C7orf25: variants seen among roughly 807,000 people sequenced by gnomAD.
C7orf25 encodes the protein UPF0415 protein C7orf25.
In C7orf25, 14 loss-of-function variants were observed where a neutral mutation model predicts 25.5. The ratio of observed to expected loss-of-function variants is 0.55; its 90% CI spans 0.36 to 0.86. C7orf25 has a LOEUF of 0.86. Ranked by LOEUF, C7orf25 falls within the 40% of genes least tolerant of loss-of-function variation. C7orf25 has a pLI of 0.01. For synonymous variants in C7orf25, 184 were observed against 179.9 expected (o/e 1.02, Z -0.18); for missense variants, 405 against 493.9 (o/e 0.82, Z 1.71).
chr7:42,911,348 T>G, intron 1 of C7orf25: 3 of 1,162,146 alleles, frequency 2.6e-6, no homozygotes, highest in Non-Finnish European at 1.1e-6. Flanking sequence ...TAGCAAACTG[T>G]CCAAAGCAAG....
chr7:42,910,770 G>A lies in C7orf25; in HGVS notation c.131C>T (p.Ala44Val). 6.2e-7 allele frequency: 1 copy of A among 1,614,156 alleles called. No individual in the cohort carries two copies. Among genetic ancestry groups the A allele is most frequent in the Non-Finnish European group, 8.5e-7 (1 of 1,180,022 alleles). Residue 44 changes from alanine to valine, a missense_variant, in exon 2 of 2, where the codon GCA becomes GTA. Physicochemically the swap from Ala to Val is moderately conservative, Grantham distance 64 (BLOSUM62 0). Coordinates refer to ENST00000350427, the MANE Select transcript of C7orf25 (RefSeq NM_001099858.2). ...TACTTTCTGCAAGAATTTTAATTCT[G>A]CCTTCAATTTGCTGCACAGCTTTGC... ...GGAKLCSKLK[A>V]ELKFLQKVEA...
In C7orf25 at chr7:42,909,653, T is replaced by C. The variant is rs923796177; in HGVS notation, c.1248A>G (p.Thr416=). Reference sequence around the variant, plus strand: ...GGTATCTTTAGTGTTCACTGTCAGTTGTGTAGTCTTTTGGTAAGGGGGTGG... The same window carrying C: ...GGTATCTTTAGTGTTCACTGTCAGTCGTGTAGTCTTTTGGTAAGGGGGTGG... The part of the protein sequence containing the change: ...ALATPLPKDY[T]TDSEH The change falls in exon 2 of 2, where the codon ACA becomes ACG. Residue 416 remains threonine, a synonymous_variant. Coordinates refer to ENST00000350427, the MANE Select transcript of C7orf25 (RefSeq NM_001099858.2). The C allele has an allele frequency of 3.1e-6, 5 of 1,612,530 alleles. No individual in the cohort carries two copies. Among genetic ancestry groups the C allele is most frequent in the Non-Finnish European group, 4.2e-6 (5 of 1,179,452 alleles).
In C7orf25 at chr7:42,912,034, G is replaced by T. The variant is rs956692185; in HGVS notation, c.-141C>A. The T allele has an allele frequency of 2.0e-6, 3 of 1,471,324 alleles. No homozygotes were observed. The highest frequency in any genetic ancestry group is 2.7e-6 in the Non-Finnish European group (3 of 1,119,524). The allele number at this position is 1,471,324 out of a possible 1,614,324, so 91.1% of individuals were successfully genotyped here. A position where few individuals can be genotyped will look rare whatever the true frequency, so the allele number is the denominator to read the frequency against. ...CTCGAACGCCGAGGCGGCTCCACCC[G>T]CGCGAGCCCCGCCGCCTCGGGCACC... On this transcript the variant is annotated 5_prime_UTR_variant, in exon 1 of 2. Coordinates refer to ENST00000350427, the MANE Select transcript of C7orf25 (RefSeq NM_001099858.2).
chr7:42,909,844 T>G lies in C7orf25; in HGVS notation c.1057A>C (p.Lys353Gln). The G allele has an allele frequency of 6.2e-7, 1 of 1,614,248 alleles. No individual in the cohort carries two copies. The highest frequency in any genetic ancestry group is 8.5e-7 in the Non-Finnish European group (1 of 1,180,052). Residue 353 changes from lysine (K) to glutamine (Q), a missense_variant, in exon 2 of 2, where the codon AAA becomes CAA. Transcript: ENST00000350427. ...ATTGTTAATGAGCGGCTATTAATTT[T>G]TGAACTGGCCACTAGTCTCAAGGCA... is the stretch of plus-strand genomic sequence containing the variant. ...ERALRLVASSKINSRSLTIFG... is the reference protein window; with the variant it reads ...ERALRLVASSQINSRSLTIFG...
In C7orf25 at chr7:42,910,914, TTCCTTTCC is replaced by T. The variant is rs1306674319; in HGVS notation, c.-21-1_-15del. The T allele has an allele frequency of 1.3e-5, 21 of 1,611,818 alleles. No homozygotes were observed. ...ATGTGCAGACATGCTGTCAGCATTA[TTCCTTTCC>T]TAGGGAAAGAAACAAGGCAAACTTC... On this transcript the variant is annotated splice_acceptor_variant and 5_prime_UTR_variant, in exon 2 of 2. Coordinates refer to ENST00000350427, the MANE Select transcript of C7orf25 (RefSeq NM_001099858.2). LOFTEE classifies it low-confidence loss of function (5UTR_SPLICE).
In C7orf25 at chr7:42,910,818, C is replaced by T. The variant is rs886433012; in HGVS notation, c.83G>A (p.Arg28Lys). The change falls in exon 2 of 2, where the codon AGA becomes AAA. Residue 28 changes from arginine to lysine, a missense_variant. Coordinates refer to ENST00000350427, the MANE Select transcript of C7orf25 (RefSeq NM_001099858.2). ...IKRAESLSRSRKGGIEGGAKL... is the reference protein window; with the variant it reads ...IKRAESLSRSKKGGIEGGAKL... ...TGCACCACCTTCTATGCCACCTTTT[C>T]TTGATCTAGAAAGTGATTCTGCTCT... is the stretch of plus-strand genomic sequence containing the variant. 10 of 1,614,126 alleles carry T rather than the reference C, an allele frequency of 6.2e-6. No individual in the cohort carries two copies. Among genetic ancestry groups the T allele is most frequent in the Non-Finnish European group, 8.5e-6 (10 of 1,180,052 alleles).
Position 42,912,027 on chromosome 7 carries a change from T to C in C7orf25, c.-134A>G. ...CACCCCGCTCGAACGCCGAGGCGGC[T>C]CCACCCGCGCGAGCCCCGCCGCCTC... is the stretch of plus-strand genomic sequence containing the variant. On this transcript the variant is annotated 5_prime_UTR_variant, in exon 1 of 2. Coordinates refer to ENST00000350427, the MANE Select transcript of C7orf25 (RefSeq NM_001099858.2). 1 of 1,478,186 alleles carries C rather than the reference T, an allele frequency of 6.8e-7. No individual in the cohort carries two copies. The highest frequency in any genetic ancestry group is 2.4e-5 in the Admixed American group (1 of 41,932). The allele number at this position is 1,478,186 out of a possible 1,614,324, so 91.6% of individuals were successfully genotyped here. A position where few individuals can be genotyped will look rare whatever the true frequency, so the allele number is the denominator to read the frequency against.
intron 1 of C7orf25, 197 bp downstream of exon 1, chr7:42,911,718 G>C (rs7782231): frequency 8.4e-7 from 1 of 1,188,558 alleles, no homozygotes; most frequent in Non-Finnish European, 1.0e-6. Flanking sequence ...GGCCCTGCCC[G>C]GCCACCTGCA....
intron 1 of C7orf25, chr7:42,911,239 T>G (rs1003697016): frequency 3.3e-6 from 2 of 610,686 alleles, no homozygotes; most frequent in Non-Finnish European, 5.1e-6. Context: ...GCTATATAAA[T>G]AATTCCCTTA....
chr7:42,911,004 C>T, intron 1 of C7orf25, 83 bp from the exon 2 acceptor site: 2 of 1,593,144 alleles, frequency 1.3e-6, no homozygotes, highest in Non-Finnish European at 1.7e-6. Flanking sequence ...AAACTTCAAT[C>T]TAGCAACACA....
rs141844424 is a variant in C7orf25, at chr7:42,909,868, C to T, written c.1033G>A (p.Ala345Thr). The T allele has an allele frequency of 1.2e-6, 2 of 1,614,208 alleles. No homozygotes were observed. Among genetic ancestry groups the T allele is most frequent in the East Asian group, 2.2e-5 (1 of 44,886 alleles). Residue 345 changes from alanine (A) to threonine (T), a missense_variant, in exon 2 of 2, where the codon GCC (alanine) becomes ACC (threonine). Physicochemically the swap from Ala to Thr is moderately conservative, Grantham distance 58. Coordinates refer to ENST00000350427, the MANE Select transcript of C7orf25 (RefSeq NM_001099858.2). ...NVVPDQPSER[A>T]LRLVASSKIN... ...TTTGAACTGGCCACTAGTCTCAAGGCACGCTCAGAAGGCTGGTCTGGTACC... is the reference window on the plus strand; with the variant it reads ...TTTGAACTGGCCACTAGTCTCAAGGTACGCTCAGAAGGCTGGTCTGGTACC...
rs1785830815 is a variant in C7orf25, at chr7:42,909,571, A to C, written c.*64T>G. The C allele has an allele frequency of 2.0e-6, 3 of 1,512,680 alleles. No individual in the cohort carries two copies. The Admixed American group carries it at 6.4e-5, about 32-fold the overall frequency. 93.7% of individuals were successfully genotyped at this position (1,512,680 alleles called of 1,614,324 possible). On this transcript the variant is annotated 3_prime_UTR_variant, in exon 2 of 2. Coordinates refer to ENST00000350427, the MANE Select transcript of C7orf25 (RefSeq NM_001099858.2). ...TATAGACCTTTTTTCCCACCAGTTT[A>C]GATGGGAAGACCCAGCCTTTGGTAT...
chr7:42,910,063 C>T lies in C7orf25; in HGVS notation c.838G>A (p.Ala280Thr), dbSNP rs1402186207. ...ACCTGCTCTTTCCTCTCTTGCTCTG[C>T]TTGTTCTGTGAGCACTTTCTCTTTG... ...IFKEKVLTEQAEQERKEQVLP... is the reference protein window; with the variant it reads ...IFKEKVLTEQTEQERKEQVLP... Residue 280 changes from alanine to threonine, a missense_variant, in exon 2 of 2, where the codon GCA (alanine) becomes ACA (threonine). By Grantham distance (58) the Ala-to-Thr change is moderately conservative. Transcript: ENST00000350427. 2 of 1,614,054 alleles carry T rather than the reference C, an allele frequency of 1.2e-6. No individual in the cohort carries two copies. Among genetic ancestry groups the T allele is most frequent in the Non-Finnish European group, 1.7e-6 (2 of 1,180,052 alleles).
In C7orf25 at chr7:42,909,741, C is replaced by G; in HGVS notation, c.1160G>C (p.Gly387Ala). Residue 387 changes from glycine to alanine, a missense_variant, in exon 2 of 2, where the codon GGT becomes GCT. Gly to Ala is a moderately conservative substitution (Grantham distance 60). Transcript: ENST00000350427. ...SGFVRAANNQGVKFSVFIHQP... is the reference protein window; with the variant it reads ...SGFVRAANNQAVKFSVFIHQP... ...ATGGATAAACACACTAAATTTAACA[C>G]CCTGGTTGTTTGCAGCTCTGACAAA... 1 of 1,614,166 alleles carries G rather than the reference C, an allele frequency of 6.2e-7. No homozygotes were observed. The highest frequency in any genetic ancestry group is 8.5e-7 in the Non-Finnish European group (1 of 1,180,026).
Position 42,909,872 on chromosome 7 carries a change from C to T in C7orf25, c.1029G>A (p.Glu343=). 1 of 1,614,204 alleles carries T rather than the reference C, an allele frequency of 6.2e-7. No homozygotes were observed. Residue 343 remains glutamate (E), a synonymous_variant, in exon 2 of 2, where the codon GAG becomes GAA. Transcript: ENST00000350427. ...AACTGGCCACTAGTCTCAAGGCACG[C>T]TCAGAAGGCTGGTCTGGTACCACAT... The part of the protein sequence containing the change: ...RINVVPDQPS[E]RALRLVASSK...
intron 1 of C7orf25, chr7:42,911,691 T>C: frequency 2.5e-5 from 29 of 1,155,756 alleles, no homozygotes; most frequent in Non-Finnish European, 3.1e-5. Flanking sequence ...GCCTTCTCGG[T>C]GGGCTGCGGG....
intron 1 of C7orf25, 90 bp from the exon 2 acceptor site, chr7:42,911,011 C>T: frequency 6.3e-7 from 1 of 1,586,564 alleles, no homozygotes; most frequent in Non-Finnish European, 8.5e-7. Context: ...AATCTAGCAA[C>T]ACAGCTTATG....
chr7:42,909,802 T>C lies in C7orf25; in HGVS notation c.1099A>G (p.Thr367Ala), dbSNP rs1416799827. The C allele has an allele frequency of 6.2e-7, 1 of 1,614,028 alleles. No individual in the cohort carries two copies. The highest frequency in any genetic ancestry group is 8.5e-7 in the Non-Finnish European group (1 of 1,180,040). ...GCAGTCATTGTGATGGCTTTTAGGG[T>C]GTCTCCCGTCCCAAAAATTGTTAAT... The part of the protein sequence containing the change: ...RSLTIFGTGD[T>A]LKAITMTANS... Residue 367 changes from threonine to alanine, a missense_variant, in exon 2 of 2, where the codon ACC (threonine) becomes GCC (alanine). Physicochemically the swap from Thr to Ala is moderately conservative, Grantham distance 58. Coordinates refer to ENST00000350427, the MANE Select transcript of C7orf25 (RefSeq NM_001099858.2).
intron 1 of C7orf25, chr7:42,911,677 C>CG (rs1414921955): frequency 8.8e-7 from 1 of 1,138,286 alleles, no homozygotes; most frequent in African/African-American, 1.6e-5. Flanking sequence ...CAGAGGCCGG[C>CG]GGGGCCTTCT....
Sources: allele counts gnomAD v4.1 joint callset, GRCh38; gene constraint gnomAD v4.1.1; transcripts MANE v1.5; gene names NCBI Gene and HGNC (gene_info 2026-07-23, HGNC 2026-07-21).